Variants in CNTN5 observed in about 807,000 individuals in gnomAD.
CNTN5 encodes the protein contactin 5, also known as contactin-5.
CNTN5 carries 77 observed loss-of-function variants against 129.1 expected under a neutral mutation model. That is an observed-to-expected ratio of 0.60 (90% CI 0.50 to 0.72). CNTN5 has a LOEUF of 0.72. Ranked by LOEUF, CNTN5 falls within the 30% of genes least tolerant of loss-of-function variation. CNTN5 has a pLI of 0.00. For synonymous variants in CNTN5, 509 were observed against 465.6 expected, an observed-to-expected ratio of 1.09 and a Z score of -1.20; for missense variants, 1,478 against 1,328.8, an observed-to-expected ratio of 1.11 and a Z score of -1.75.
intron 6 of CNTN5, among the ~76,000 whole-genome samples, chr11:99,848,125 G>A (rs546396545): frequency 5.9e-5 from 9 of 152,064 alleles, no homozygotes; most frequent in African/African-American, 1.4e-4. Flanking sequence ...GCAGGAGATC[G>A]CTTGAACCCG....
chr11:99,610,267 G>A (rs1950555472), intron 3 of CNTN5, among the ~76,000 whole-genome samples: 2 of 152,090 alleles, frequency 1.3e-5, no homozygotes, highest in South Asian at 4.1e-4. Flanking sequence ...TCTCTAGTCT[G>A]CCAATAGGAA....
At chr11:99,425,787 T>C (rs375614251) in intron 2 of CNTN5, among the ~76,000 whole-genome samples, 5 of 152,184 alleles carry the variant, frequency 3.3e-5, no homozygotes, top group South Asian at 2.1e-4. Flanking sequence ...TCCTGCCAGC[T>C]CAGTAGGGGC....
chr11:99,275,493 A>T (rs957229828), intron 1 of CNTN5, among the ~76,000 whole-genome samples: 1 of 151,726 alleles, frequency 6.6e-6, no homozygotes, highest in South Asian at 2.1e-4. Context: ...TGAAGTGATT[A>T]TACTTGTTAG....
At chr11:99,173,987 C>T (rs976414854) in intron 1 of CNTN5, among the ~76,000 whole-genome samples, 1 of 143,378 alleles carries the variant, frequency 7.0e-6, no homozygotes, top group African/African-American at 2.6e-5. Context: ...AAAGAAGAAG[C>T]GTCAAAAATG....
chr11:99,495,372 A>T (rs914659416), intron 2 of CNTN5, among the ~76,000 whole-genome samples: 2 of 152,174 alleles, frequency 1.3e-5, no homozygotes, highest in African/African-American at 2.4e-5. Context: ...TGTCTCAAAA[A>T]ATTAAAAATA....
At chr11:99,742,513 T>A (rs1431624179) in intron 3 of CNTN5, among the ~76,000 whole-genome samples, 1 of 152,134 alleles carries the variant, frequency 6.6e-6, no homozygotes, top group South Asian at 2.1e-4. Flanking sequence ...AATAGAGTTG[T>A]GGTAAGAAGG....
At chr11:99,688,488 T>A (rs547603548) in intron 3 of CNTN5, among the ~76,000 whole-genome samples, 1 of 152,324 alleles carries the variant, frequency 6.6e-6, no homozygotes, top group South Asian at 2.1e-4. Context: ...ATTGGTGTAA[T>A]CCTCCTTTCA....
intron 9 of CNTN5, among the ~76,000 whole-genome samples, chr11:100,033,013 G>A (rs1325509590): frequency 6.6e-6 from 1 of 152,080 alleles, no homozygotes; most frequent in Non-Finnish European, 1.5e-5. Context: ...ACTCTGTGCT[G>A]ATGAAAACAA....
chr11:99,557,357 A>G (rs1279661336), intron 3 of CNTN5, among the ~76,000 whole-genome samples: 2 of 151,244 alleles, frequency 1.3e-5, no homozygotes, highest in Non-Finnish European at 3.0e-5. Context: ...GAACATGCAT[A>G]TTATTTACAT....
intron 2 of CNTN5, among the ~76,000 whole-genome samples, chr11:99,543,918 CAAAAAAACAAAA>C (rs1948198795): frequency 8.6e-5 from 2 of 23,166 alleles, no homozygotes; most frequent in Admixed American, 5.4e-4. Context: ...GAGTCTGTCT[CAAAAAAACAAAA>C]AAAAAAAAAA....
chr11:99,547,978 T>A (rs978212397), intron 2 of CNTN5, among the ~76,000 whole-genome samples: 1 of 152,186 alleles, frequency 6.6e-6, no homozygotes, highest in Non-Finnish European at 1.5e-5. Context: ...AATAATATAT[T>A]TACCTATATG....
intron 1 of CNTN5, among the ~76,000 whole-genome samples, chr11:99,277,011 T>C (rs1018416663): frequency 1.1e-4 from 17 of 151,744 alleles, no homozygotes; most frequent in African/African-American, 3.9e-4. Flanking sequence ...TTATTTCTAT[T>C]ACTTCCATTT....
chr11:100,227,471 C>T (rs1939703), intron 16 of CNTN5, among the ~76,000 whole-genome samples: 8,938 of 152,126 alleles, frequency 0.059, 365 homozygotes, highest in East Asian at 0.21. Flanking sequence ...CTCAACTGCT[C>T]GTTTGCACTT....
chr11:100,285,427 CA>C (rs1950757545), intron 18 of CNTN5, among the ~76,000 whole-genome samples: 1 of 152,152 alleles, frequency 6.6e-6, no homozygotes, highest in African/African-American at 2.4e-5. Flanking sequence ...GCACATGGCA[CA>C]CTCCACAGAG....
chr11:100,107,375 T>G (rs1399833050), intron 13 of CNTN5, among the ~76,000 whole-genome samples: 1 of 152,048 alleles, frequency 6.6e-6, no homozygotes, highest in Non-Finnish European at 1.5e-5. Flanking sequence ...ATGAAAAAAT[T>G]TCATGGTATA....
intron 21 of CNTN5, among the ~76,000 whole-genome samples, chr11:100,331,492 A>G (rs1404527025): frequency 6.6e-6 from 1 of 152,162 alleles, no homozygotes; most frequent in South Asian, 2.1e-4. Flanking sequence ...GACCTAACAG[A>G]TATCTACAGA....
At chr11:99,184,337 A>C (rs1397827789) in intron 1 of CNTN5, among the ~76,000 whole-genome samples, 1 of 151,992 alleles carries the variant, frequency 6.6e-6, no homozygotes, top group Non-Finnish European at 1.5e-5. Context: ...TTACAATTTT[A>C]TGAACTCACA....
intron 2 of CNTN5, among the ~76,000 whole-genome samples, chr11:99,535,499 A>G (rs183111985): frequency 3.3e-5 from 5 of 152,268 alleles, no homozygotes; most frequent in African/African-American, 1.2e-4. Context: ...GCCAAAATCT[A>G]CTTGGATCCC....
rs1169493397 is a variant in CNTN5 at position 100,334,986 on chromosome 11, A to G, written c.2731-5477A>G. Among the ~76,000 whole-genome samples, 2 of 151,154 alleles carry G rather than the reference A, an allele frequency of 1.3e-5. 1 individual carries two copies. Among genetic ancestry groups the G allele is most frequent in the Admixed American group, 1.3e-4 (2 of 15,150 alleles). On this transcript the variant is annotated intron_variant, in intron 21 of 24. Transcript: ENST00000524871. ...TTTTTTTTAAAACTTGATAAGTAAA[A>G]AAAAAAAAAAAAGGTTGATAAGATG... is the stretch of plus-strand genomic sequence containing the variant.
Sources: gnomAD v4.1 joint callset for allele counts (sites outside exome capture counted in the v4.1 genomes callset) on GRCh38, gnomAD v4.1.1 for gene constraint, MANE v1.5 for transcripts, NCBI Gene and HGNC (gene_info 2026-07-23, HGNC 2026-07-21) for gene names.